The following BASP1 variants were observed in gnomAD, a reference collection of about 807,000 sequenced individuals.
BASP1 encodes brain acid soluble protein 1.
BASP1 carries 1 observed loss-of-function variant against 2.2 expected under a neutral mutation model. That is an observed-to-expected ratio of 0.46 (90% CI 0.16 to 2.17). BASP1 has a LOEUF of 2.17. BASP1 is among the 30% of genes most tolerant of loss of function. The pLI is 0.27. For synonymous variants in BASP1, 187 were observed against 154.2 expected (o/e 1.21, Z -1.58); for missense variants, 352 against 327.2 (o/e 1.08, Z -0.58).
chr5:17,220,217 A>G (rs1249916747), intron 1 of BASP1, among the ~76,000 whole-genome samples: 1 of 152,158 alleles, frequency 6.6e-6, no homozygotes, highest in Admixed American at 6.5e-5. Context: ...CGTTTAATAT[A>G]TCAGGGCCCA....
chr5:17,219,091 T>G (rs1739334986), intron 1 of BASP1, among the ~76,000 whole-genome samples: 1 of 152,088 alleles, frequency 6.6e-6, no homozygotes, highest in African/African-American at 2.4e-5. Flanking sequence ...TATAGGGTTG[T>G]GGACCGACCC....
chr5:17,244,752 T>TGC (rs1160486442), intron 1 of BASP1, among the ~76,000 whole-genome samples: 1 of 149,688 alleles, frequency 6.7e-6, no homozygotes, highest in African/African-American at 2.5e-5. Flanking sequence ...AGTGCAGTGG[T>TGC]GCGATCTTGG....
At chr5:17,239,094 GT>G (rs963897015) in intron 1 of BASP1, among the ~76,000 whole-genome samples, 39 of 148,700 alleles carry the variant, frequency 2.6e-4, no homozygotes, top group Middle Eastern at 3.2e-3. Flanking sequence ...GTCTTCAGCT[GT>G]TTTTTTTTTC....
Position 17,276,728 on chromosome 5 carries a change from G to GAAAAAAA in BASP1, c.*832_*838dup. 2 of 57,494 alleles carry GAAAAAAA rather than the reference G, an allele frequency of 3.5e-5. No individual in the cohort carries two copies. The allele number at this position is 57,494 out of a possible 1,614,324, so 3.6% of individuals were successfully genotyped here. Reference sequence around the variant, plus strand: ...CCAACACACCACTCATTGGAAAATGGAAAAAAAAAACAAAAAAAAAACAAA... The same window carrying GAAAAAAA: ...CCAACACACCACTCATTGGAAAATGGAAAAAAAAAAAAAAAAACAAAAAAAAAACAAA... On this transcript the variant is annotated 3_prime_UTR_variant, in exon 2 of 2. Transcript: ENST00000322611.
intron 1 of BASP1, among the ~76,000 whole-genome samples, chr5:17,272,413 G>A (rs1740547585): frequency 6.6e-6 from 1 of 152,224 alleles, no homozygotes; most frequent in South Asian, 2.1e-4. Flanking sequence ...ACAGCTCCAC[G>A]AACTCAGCTA....
chr5:17,247,754 C>T (rs557238873), intron 1 of BASP1, among the ~76,000 whole-genome samples: 3 of 152,250 alleles, frequency 2.0e-5, no homozygotes, highest in South Asian at 4.1e-4. Flanking sequence ...TGTTCGTGTC[C>T]GTGTGCTGGC....
rs1280118819 is a variant in BASP1 at position 17,275,845 on chromosome 5, A to G, written c.629A>G (p.Lys210Arg). 1.2e-6 allele frequency: 2 copies of G among 1,607,106 alleles called. No individual in the cohort carries two copies. The highest frequency in any genetic ancestry group is 1.3e-5 in the African/African-American group (1 of 74,610). ...CCCGCAGCCTCTGCAGAAGAGCCCA[A>G]GCCGGTGGAGGCCCCGGCAGCTAAT... is the stretch of plus-strand genomic sequence containing the variant. ...QGPAASAEEP[K>R]PVEAPAANSD... is the part of the protein sequence containing the mutation. The change falls in exon 2 of 2, where the codon AAG (lysine) becomes AGG (arginine). Residue 210 changes from lysine (K) to arginine (R), a missense_variant. Coordinates refer to ENST00000322611, the MANE Select transcript of BASP1 (RefSeq NM_006317.5). The surrounding 1 kb of genome is among the most constrained non-coding windows in gnomAD (Gnocchi z 5.3).
rs548095905 is a variant in BASP1 at position 17,222,746 on chromosome 5, C to G, written c.-10+4936C>G. On this transcript the variant is annotated intron_variant, in intron 1 of 1. Coordinates refer to ENST00000322611, the MANE Select transcript of BASP1 (RefSeq NM_006317.5). The stretch of plus-strand genomic sequence containing the variant: ...TATTTCTTAATGTTTTACAGACTTT[C>G]CATACTCAGTACATTTTTGAACAAA... Among the ~76,000 whole-genome samples the G allele has an allele frequency of 2.0e-5, 3 of 152,268 alleles. No individual in the cohort carries two copies. In the East Asian group the frequency reaches 5.8e-4, roughly 29 times the overall value.
At chr5:17,239,153 GCA>G (rs1739808286) in intron 1 of BASP1, among the ~76,000 whole-genome samples, 1 of 152,056 alleles carries the variant, frequency 6.6e-6, no homozygotes, top group African/African-American at 2.4e-5. Context: ...GAGTGCAGTG[GCA>G]TGATCTCAGC....
At chr5:17,249,181 C>G (rs114484873) in intron 1 of BASP1, among the ~76,000 whole-genome samples, 1 of 152,038 alleles carries the variant, frequency 6.6e-6, no homozygotes, top group Non-Finnish European at 1.5e-5. Flanking sequence ...CAGAGCCCAA[C>G]GCAGGAACCG....
At chr5:17,233,051 A>G (rs1009896890) in intron 1 of BASP1, among the ~76,000 whole-genome samples, 1 of 152,256 alleles carries the variant, frequency 6.6e-6, no homozygotes, top group East Asian at 1.9e-4. Context: ...TAATAATGCA[A>G]GATTCCAGTA....
At chr5:17,255,905 C>T (rs1740201023) in intron 1 of BASP1, among the ~76,000 whole-genome samples, 1 of 152,186 alleles carries the variant, frequency 6.6e-6, no homozygotes, top group Non-Finnish European at 1.5e-5. Flanking sequence ...ACGTCCTGCA[C>T]ACCAGAGTAG....
At chr5:17,234,589 T>C (rs970928358) in intron 1 of BASP1, among the ~76,000 whole-genome samples, 1 of 152,218 alleles carries the variant, frequency 6.6e-6, no homozygotes, top group African/African-American at 2.4e-5. Flanking sequence ...TTTTCTACCA[T>C]GTGAATGTGA....
At chr5:17,222,775 A>G (rs566312895) in intron 1 of BASP1, among the ~76,000 whole-genome samples, 81 of 152,322 alleles carry the variant, frequency 5.3e-4, no homozygotes, top group Middle Eastern at 6.8e-3. Flanking sequence ...GAACAAAAAT[A>G]GGGAAAGCTG....
At chr5:17,249,715 C>A (rs1362288153) in intron 1 of BASP1, among the ~76,000 whole-genome samples, 1 of 151,970 alleles carries the variant, frequency 6.6e-6, no homozygotes, top group East Asian at 1.9e-4. Flanking sequence ...TATTTTTTTT[C>A]TATAAATGAT....
intron 1 of BASP1, among the ~76,000 whole-genome samples, chr5:17,242,756 A>G (rs371158912): frequency 3.3e-5 from 5 of 152,100 alleles, no homozygotes; most frequent in East Asian, 3.9e-4. Context: ...ACAACAGAAA[A>G]TGATGTTATT....
chr5:17,222,408 C>T (rs1265938874), intron 1 of BASP1, among the ~76,000 whole-genome samples: 2 of 152,152 alleles, frequency 1.3e-5, no homozygotes, highest in Non-Finnish European at 2.9e-5. Flanking sequence ...GCCCAGCCTG[C>T]CAAAGGAAGG....
Position 17,275,424 on chromosome 5 carries a change from G to A in BASP1, c.208G>A (p.Glu70Lys), listed in dbSNP as rs1017732389. The A allele has an allele frequency of 1.3e-6, 2 of 1,549,374 alleles. No homozygotes were observed. Among genetic ancestry groups the A allele is most frequent in the African/African-American group, 1.4e-5 (1 of 72,356 alleles). Residue 70 changes from glutamate (E) to lysine (K), a missense_variant, in exon 2 of 2, where the codon GAG (glutamate) becomes AAG (lysine). Physicochemically the swap from Glu to Lys is moderately conservative, Grantham distance 56. Transcript: ENST00000322611. This position sits in a 1 kb window ranked among gnomAD's most constrained non-coding sequence, Gnocchi z 5.3. ...CGCCGAGGGCAAGGCCGAGGAGAAGGAGGGCGAGAAGGACGCGGCGGCTGC... is the reference window on the plus strand; with the variant it reads ...CGCCGAGGGCAAGGCCGAGGAGAAGAAGGGCGAGAAGGACGCGGCGGCTGC... Reference protein sequence around the residue: ...QDAEGKAEEKEGEKDAAAAKE... With the variant: ...QDAEGKAEEKKGEKDAAAAKE...
chr5:17,272,306 TG>T (rs978652896), intron 1 of BASP1, among the ~76,000 whole-genome samples: 1 of 152,140 alleles, frequency 6.6e-6, no homozygotes, highest in African/African-American at 2.4e-5. Flanking sequence ...CTGAGAGCTT[TG>T]CCCCATTGCC....
Sources: allele counts gnomAD v4.1 joint callset (sites outside exome capture counted in the v4.1 genomes callset), GRCh38; gene constraint gnomAD v4.1.1; non-coding constraint Gnocchi (gnomAD v3.1); transcripts MANE v1.5; gene names NCBI Gene and HGNC (gene_info 2026-07-23, HGNC 2026-07-21).